The following ZNF214 variants were observed in gnomAD, a reference collection of about 807,000 sequenced individuals.
The protein encoded by ZNF214 is BWSCR2-associated zinc finger protein 1.
A neutral mutation model predicts 53.9 loss-of-function variants in ZNF214; 43 were observed. That is an observed-to-expected ratio of 0.80 (90% CI 0.63 to 1.03). The LOEUF is 1.03. Ranked by LOEUF, ZNF214 falls within the 50% of genes least tolerant of loss-of-function variation. The pLI is 0.00. For synonymous variants in ZNF214, 217 were observed against 229.5 expected (o/e 0.95, Z 0.49); for missense variants, 724 against 719.1 (o/e 1.01, Z -0.08).
chr11:7,006,195 T>C (rs1343687929), intron 1 of ZNF214, among the ~76,000 whole-genome samples: 1 of 152,072 alleles, frequency 6.6e-6, no homozygotes, highest in Non-Finnish European at 1.5e-5. Context: ...GAGAGCTTCC[T>C]TACTTTCTGG....
rs1851450289 is a variant in ZNF214, at chr11:7,005,360, GAAGAA to G, written c.-20-2510_-20-2506del. Among the ~76,000 whole-genome samples, 9 of 151,812 alleles carry G rather than the reference GAAGAA, an allele frequency of 5.9e-5. No homozygotes were observed. The South Asian group carries it at 1.7e-3, about 28-fold the overall frequency. Reference sequence around the variant, plus strand: ...AAGTACAATAAATCTAAACAGAAAAGAAGAAAAGAATTATATAAACAATAAACTAA... The same window carrying G: ...AAGTACAATAAATCTAAACAGAAAAGAAGAATTATATAAACAATAAACTAA... On this transcript the variant is annotated intron_variant, in intron 1 of 2. Coordinates refer to ENST00000278314, the MANE Select transcript of ZNF214 (RefSeq NM_013249.4).
At chr11:7,015,615 G>A (rs535649935) in intron 1 of ZNF214, among the ~76,000 whole-genome samples, 36 of 151,470 alleles carry the variant, frequency 2.4e-4, no homozygotes, top group Non-Finnish European at 4.7e-4. Context: ...CAACAAATAG[G>A]CTTGAAAAAA....
chr11:7,007,812 C>G (rs1337948142), intron 1 of ZNF214, among the ~76,000 whole-genome samples: 1 of 151,954 alleles, frequency 6.6e-6, no homozygotes, highest in African/African-American at 2.4e-5. Context: ...ATACAAAATA[C>G]AGATTATTTT....
intron 1 of ZNF214, among the ~76,000 whole-genome samples, chr11:7,005,665 A>G (rs1226061375): frequency 6.6e-6 from 1 of 152,108 alleles, no homozygotes; most frequent in Non-Finnish European, 1.5e-5. Context: ...AAACTGAACA[A>G]TGGCTTCAGG....
At position 7,000,929 on chromosome 11, in the gene ZNF214, A is replaced by G. The variant is rs2857919; in HGVS notation, c.754T>C (p.Cys252Arg). The change falls in exon 3 of 3, where the codon TGT (cysteine) becomes CGT (arginine). Residue 252 changes from cysteine (C) to arginine (R), a missense_variant. Transcript: ENST00000278314. ...PGENLCQCSI[C>R]KACFSQRSDL... ...GATCTCTGAGAGAAGCATGCTTTAC[A>G]GATGGAGCATTGACAGAGGTTTTCT... 0.96 allele frequency: 1,547,897 copies of G among 1,613,012 alleles called. 744,858 individuals carry two copies. The highest frequency in any genetic ancestry group is 1 in the East Asian group (44,826 of 44,844).
At chr11:7,004,289 T>G (rs979966515) in intron 1 of ZNF214, among the ~76,000 whole-genome samples, 1 of 152,090 alleles carries the variant, frequency 6.6e-6, no homozygotes, top group Non-Finnish European at 1.5e-5. Context: ...TGTTCTAACC[T>G]TCTTCCATGT....
In ZNF214 at chr11:7,001,362, T is replaced by C. The variant is rs1235420056; in HGVS notation, c.321A>G (p.Leu107=). 6.8e-6 allele frequency: 11 copies of C among 1,613,110 alleles called. No homozygotes were observed. The highest frequency in any genetic ancestry group is 8.5e-6 in the Non-Finnish European group (10 of 1,179,424). The change falls in exon 3 of 3, where the codon TTA becomes TTG. Residue 107 remains leucine, a synonymous_variant. Coordinates refer to ENST00000278314, the MANE Select transcript of ZNF214 (RefSeq NM_013249.4). ...ACCCTGGTACTTGTGTGGAGAGTATTAACCATTCCTGACACTGGGAACGAT... is the reference window on the plus strand; with the variant it reads ...ACCCTGGTACTTGTGTGGAGAGTATCAACCATTCCTGACACTGGGAACGAT... ...QQDRSQCQEW[L]ILSTQVPGYG... is the part of the protein sequence containing the mutation.
At position 7,007,994 on chromosome 11, in the gene ZNF214, AT is replaced by A. The variant is rs577540893; in HGVS notation, c.-20-5140del. Among the ~76,000 whole-genome samples, 148 of 152,292 alleles carry A rather than the reference AT, an allele frequency of 9.7e-4. 1 individual carries two copies. Among genetic ancestry groups the A allele is most frequent in the African/African-American group, 3.5e-3 (145 of 41,572 alleles). On this transcript the variant is annotated intron_variant, in intron 1 of 2. Coordinates refer to ENST00000278314, the MANE Select transcript of ZNF214 (RefSeq NM_013249.4). ...TCCACACTTCTGAAACCCAAGTAAC[AT>A]ACTATATTATTAAATAATCTTCAAA...
At chr11:7,010,923 C>T (rs1231167143) in intron 1 of ZNF214, among the ~76,000 whole-genome samples, 2 of 150,102 alleles carry the variant, frequency 1.3e-5, no homozygotes, top group African/African-American at 2.4e-5. Flanking sequence ...AAATATGTAC[C>T]TAAATAAATG....
intron 1 of ZNF214, among the ~76,000 whole-genome samples, chr11:7,018,751 C>T (rs1851839087): frequency 6.6e-6 from 1 of 152,136 alleles, no homozygotes; most frequent in Admixed American, 6.5e-5. Flanking sequence ...ATCCGCCCAC[C>T]TTGGCCTCTC....
At chr11:7,010,835 C>T (rs1412854406) in intron 1 of ZNF214, among the ~76,000 whole-genome samples, 1 of 150,398 alleles carries the variant, frequency 6.6e-6, no homozygotes, top group Non-Finnish European at 1.5e-5. Flanking sequence ...TAACTTTTGA[C>T]ATAAGATTTT....
At chr11:7,011,545 A>G (rs905833749) in intron 1 of ZNF214, among the ~76,000 whole-genome samples, 1 of 152,104 alleles carries the variant, frequency 6.6e-6, no homozygotes, top group African/African-American at 2.4e-5. Flanking sequence ...TAAAGTGGCA[A>G]AGGTTAAATA....
Position 6,998,921 on chromosome 11 carries a change from T to A in ZNF214, c.*941A>T, listed in dbSNP as rs1305951720. On this transcript the variant is annotated 3_prime_UTR_variant, in exon 3 of 3. Coordinates refer to ENST00000278314, the MANE Select transcript of ZNF214 (RefSeq NM_013249.4). ...TATTCCGACTAACTCTATTCTGAGATAATGGCCAAACTCTCTTTTTACATA... is the reference window on the plus strand; with the variant it reads ...TATTCCGACTAACTCTATTCTGAGAAAATGGCCAAACTCTCTTTTTACATA... Among the ~76,000 whole-genome samples the A allele has an allele frequency of 1.3e-5, 2 of 152,024 alleles. No homozygotes were observed. The highest frequency in any genetic ancestry group is 1.5e-5 in the Non-Finnish European group (1 of 67,944).
chr11:7,003,934 T>C (rs1349881106), intron 1 of ZNF214, among the ~76,000 whole-genome samples: 1 of 151,714 alleles, frequency 6.6e-6, no homozygotes, highest in Non-Finnish European at 1.5e-5. Context: ...ATGAATCCAC[T>C]TTAAATATAT....
chr11:7,003,027 A>G lies in ZNF214; in HGVS notation c.-20-172T>C, dbSNP rs567967384. Among the ~76,000 whole-genome samples, 4 of 152,064 alleles carry G rather than the reference A, an allele frequency of 2.6e-5. No homozygotes were observed. The East Asian group carries it at 7.7e-4, about 29-fold the overall frequency. On this transcript the variant is annotated intron_variant, in intron 1 of 2. Coordinates refer to ENST00000278314, the MANE Select transcript of ZNF214 (RefSeq NM_013249.4). ...AAATAGCTAAATAATATATCCAATC[A>G]TGAAACATCATCACTATCAAAAGAA... is the stretch of plus-strand genomic sequence containing the variant.
intron 1 of ZNF214, among the ~76,000 whole-genome samples, chr11:7,004,977 T>C (rs901048014): frequency 6.6e-6 from 1 of 152,078 alleles, no homozygotes; most frequent in African/African-American, 2.4e-5. Flanking sequence ...TTGTAAAAGT[T>C]ACGTAGCATT....
rs1851609491 is a variant in ZNF214 at position 7,011,715 on chromosome 11, TA to T, written c.-21+8357del. ...GCTACAAGAATTAGAAGCAAAAATA[TA>T]AAATGTCATTATTTGCATAGTTATG... is the stretch of plus-strand genomic sequence containing the variant. On this transcript the variant is annotated intron_variant, in intron 1 of 2. Coordinates refer to ENST00000278314, the MANE Select transcript of ZNF214 (RefSeq NM_013249.4). Among the ~76,000 whole-genome samples the T allele has an allele frequency of 2.0e-5, 3 of 152,078 alleles. No homozygotes were observed. The East Asian group carries it at 5.8e-4, about 29-fold the overall frequency.
intron 1 of ZNF214, among the ~76,000 whole-genome samples, chr11:7,016,362 G>T (rs1851767805): frequency 6.6e-6 from 1 of 152,048 alleles, no homozygotes; most frequent in South Asian, 2.1e-4. Context: ...GTGCTATATT[G>T]ATTAAACATA....
chr11:7,010,091 T>G (rs929360621), intron 1 of ZNF214, among the ~76,000 whole-genome samples: 2 of 152,072 alleles, frequency 1.3e-5, no homozygotes, highest in African/African-American at 4.8e-5. Context: ...GAATATAAAC[T>G]GTTCTACCAT....
Sources: allele counts gnomAD v4.1 joint callset (sites outside exome capture counted in the v4.1 genomes callset), GRCh38; gene constraint gnomAD v4.1.1; transcripts MANE v1.5; gene names NCBI Gene and HGNC (gene_info 2026-07-23, HGNC 2026-07-21).